Variants in ERBB4 observed in about 807,000 individuals in gnomAD.
The protein encoded by ERBB4 is erb-b2 receptor tyrosine kinase 4, also known as receptor tyrosine-protein kinase erbB-4.
ERBB4 carries 42 observed loss-of-function variants against 158.0 expected under a neutral mutation model. The ratio of observed to expected loss-of-function variants is 0.27; its 90% CI spans 0.21 to 0.34. ERBB4 has a LOEUF of 0.34. Among genes scored for constraint, ERBB4 ranks in the 10% least tolerant of loss-of-function variants. ERBB4 has a pLI of 1.00. For missense variants in ERBB4, 1,333 were observed against 1,624.1 expected, an observed-to-expected ratio of 0.82 and a Z score of 3.08; for synonymous variants, 583 against 558.7, an observed-to-expected ratio of 1.04 and a Z score of -0.61.
chr2:212,043,754 T>G (rs527644883), intron 2 of ERBB4, among the ~76,000 whole-genome samples: 1 of 152,206 alleles, frequency 6.6e-6, no homozygotes, highest in East Asian at 1.9e-4. Flanking sequence ...GCTCCAACAC[T>G]TACTACATTT....
intron 7 of ERBB4, 42 bp downstream of exon 7, chr2:211,722,351 T>G (rs375802541): frequency 1.3e-5 from 20 of 1,507,698 alleles, no homozygotes; most frequent in Non-Finnish European, 1.8e-5. Context: ...TGATTTCAAA[T>G]AATGACCTAA....
chr2:211,856,509 C>T (rs1184597978), intron 3 of ERBB4, among the ~76,000 whole-genome samples: 2 of 152,078 alleles, frequency 1.3e-5, no homozygotes, highest in African/African-American at 4.8e-5. Flanking sequence ...CCTCAGCCTC[C>T]CGAGTAGCTG....
intron 1 of ERBB4, among the ~76,000 whole-genome samples, chr2:212,195,101 G>A (rs1167115548): frequency 6.6e-6 from 1 of 151,900 alleles, no homozygotes; most frequent in African/African-American, 2.4e-5. Context: ...TTTGTATATA[G>A]TGCATAAAAA....
At chr2:212,192,054 T>C (rs1402136892) in intron 1 of ERBB4, among the ~76,000 whole-genome samples, 1 of 80,298 alleles carries the variant, frequency 1.2e-5, no homozygotes. Flanking sequence ...ATATGTTATA[T>C]GTTATATATG....
chr2:212,356,374 C>T (rs2089462999), intron 1 of ERBB4, among the ~76,000 whole-genome samples: 1 of 151,938 alleles, frequency 6.6e-6, no homozygotes, highest in Admixed American at 6.6e-5. Flanking sequence ...ATGTCCCACC[C>T]TAAATTCTGT....
At chr2:211,525,944 G>A (rs1042334637) in intron 20 of ERBB4, among the ~76,000 whole-genome samples, 2 of 152,106 alleles carry the variant, frequency 1.3e-5, no homozygotes, top group Non-Finnish European at 2.9e-5. Context: ...CACCAGGTAA[G>A]CTTCTATGGT....
intron 2 of ERBB4, among the ~76,000 whole-genome samples, chr2:211,961,490 C>T (rs1294656112): frequency 6.6e-6 from 1 of 152,140 alleles, no homozygotes; most frequent in African/African-American, 2.4e-5. Context: ...GAAGCTCATG[C>T]TGACTGCTGT....
chr2:211,666,243 G>A (rs1241663394), intron 14 of ERBB4, among the ~76,000 whole-genome samples: 1 of 151,954 alleles, frequency 6.6e-6, no homozygotes, highest in Non-Finnish European at 1.5e-5. Context: ...CCATATAAAT[G>A]CACATTTTGA....
intron 1 of ERBB4, among the ~76,000 whole-genome samples, chr2:212,394,012 T>C (rs2090954417): frequency 6.6e-6 from 1 of 152,164 alleles, no homozygotes; most frequent in East Asian, 1.9e-4. Flanking sequence ...GTTGAATGAC[T>C]ATGTGGTATA....
chr2:212,209,167 A>G (rs1398480541), intron 1 of ERBB4, among the ~76,000 whole-genome samples: 1 of 152,196 alleles, frequency 6.6e-6, no homozygotes, highest in African/African-American at 2.4e-5. Flanking sequence ...AATGTCAGAC[A>G]CTTGAAATGT....
chr2:211,550,596 A>AT (rs2067063744), intron 20 of ERBB4, among the ~76,000 whole-genome samples: 1 of 124,430 alleles, frequency 8.0e-6, no homozygotes, highest in African/African-American at 3.5e-5. Flanking sequence ...TATATATATA[A>AT]ATATATAGAT....
chr2:212,325,925 G>A (rs2087806894), intron 1 of ERBB4, among the ~76,000 whole-genome samples: 1 of 150,346 alleles, frequency 6.7e-6, no homozygotes, highest in Non-Finnish European at 1.5e-5. Flanking sequence ...CTAAGTATTT[G>A]GCAAAAAACT....
chr2:211,901,665 A>G (rs1240616359), intron 3 of ERBB4, among the ~76,000 whole-genome samples: 1 of 152,178 alleles, frequency 6.6e-6, no homozygotes, highest in East Asian at 1.9e-4. Flanking sequence ...AAGGCATCGC[A>G]TATAACGGGA....
intron 20 of ERBB4, among the ~76,000 whole-genome samples, chr2:211,486,750 G>A (rs1339776335): frequency 3.9e-5 from 6 of 152,082 alleles, no homozygotes; most frequent in Admixed American, 1.3e-4. Context: ...TGTGGGTGAT[G>A]TTAGCACCCA....
intron 2 of ERBB4, among the ~76,000 whole-genome samples, chr2:212,114,941 C>CT (rs1384850155): frequency 2.0e-5 from 3 of 152,080 alleles, no homozygotes; most frequent in African/African-American, 7.2e-5. Flanking sequence ...CCAACCAGCT[C>CT]TTGTTGAGGG....
intron 2 of ERBB4, among the ~76,000 whole-genome samples, chr2:212,087,143 A>C (rs766895448): frequency 6.6e-6 from 1 of 151,758 alleles, no homozygotes; most frequent in Non-Finnish European, 1.5e-5. Flanking sequence ...TAAGCAAGAT[A>C]CTGACCTCTT....
intron 3 of ERBB4, among the ~76,000 whole-genome samples, chr2:211,916,432 G>A (rs952639548): frequency 3.3e-5 from 5 of 152,006 alleles, no homozygotes; most frequent in Admixed American, 6.6e-5. Flanking sequence ...TGTCCGCCTC[G>A]GCCTCCCAAA....
At position 212,128,587 on chromosome 2, in the gene ERBB4, C is replaced by A. The variant is rs148472520; in HGVS notation, c.83-3684G>T. 2.3e-3 allele frequency among the ~76,000 whole-genome samples: 344 copies of A among 152,258 alleles called. 2 individuals are homozygous for A. Among genetic ancestry groups the A allele is most frequent in the Non-Finnish European group, 3.6e-3 (248 of 68,016 alleles). On this transcript the variant is annotated intron_variant, in intron 1 of 27. Transcript: ENST00000342788. ...TACATTGTCATATTATCAATACCAT[C>A]AAGATAATGATGAATATTGGCCCCA...
chr2:211,376,736 G>A lies in ERBB4; in HGVS notation c.*6879C>T, dbSNP rs114571757. ...GAGTAGATTTAAGATGACTTTTTTT[G>A]TGCTATGAATTGTCTTCCACATTGA... On this transcript the variant is annotated 3_prime_UTR_variant, in exon 28 of 28. Transcript: ENST00000342788. The A allele has an allele frequency of 1.9e-3, 441 of 232,998 alleles. 3 individuals are homozygous for A. The highest frequency in any genetic ancestry group is 9.2e-3 in the African/African-American group (418 of 45,380). The allele number at this position is 232,998 out of a possible 1,614,324, so 14.4% of individuals were successfully genotyped here.
Sources: gnomAD v4.1 joint callset for allele counts (sites outside exome capture counted in the v4.1 genomes callset) on GRCh38, gnomAD v4.1.1 for gene constraint, MANE v1.5 for transcripts, NCBI Gene and HGNC (gene_info 2026-07-23, HGNC 2026-07-21) for gene names.